Variants in MAPK1IP1L observed in about 807,000 individuals in gnomAD.
MAPK1IP1L encodes mitogen-activated protein kinase 1 interacting protein 1 like.
In MAPK1IP1L, 10 loss-of-function variants were observed where a neutral mutation model predicts 18.1. The observed-to-expected ratio is 0.55, with a 90% CI of 0.34 to 0.94. The LOEUF is 0.94. MAPK1IP1L is among the 40% of genes least tolerant of loss of function. The pLI, the probability that MAPK1IP1L is intolerant of heterozygous loss-of-function variation, is 0.02. For missense variants in MAPK1IP1L, 260 were observed against 318.2 expected (o/e 0.82, Z 1.39); for synonymous variants, 115 against 117.3 (o/e 0.98, Z 0.13).
chr14:55,056,593 TCCGCCTCCTGGGTTC>T (rs1179335419), intron 1 of MAPK1IP1L, among the ~76,000 whole-genome samples: 1 of 152,174 alleles, frequency 6.6e-6, no homozygotes, highest in Non-Finnish European at 1.5e-5. Context: ...CACTGCAAGC[TCCGCCTCCTGGGTTC>T]GCGCCATTCT....
chr14:55,059,242 A>AAAAAGACAG (rs1594624728), intron 1 of MAPK1IP1L, among the ~76,000 whole-genome samples: 2 of 151,298 alleles, frequency 1.3e-5, no homozygotes, highest in Non-Finnish European at 2.9e-5. Context: ...AAAAAAAAAA[A>AAAAAGACAG]AAAGACAGTA....
chr14:55,067,089 A>C lies in MAPK1IP1L; in HGVS notation c.*2462A>C, dbSNP rs1361984252. 1 of 131,900 alleles carries C rather than the reference A, an allele frequency of 7.6e-6. No individual in the cohort carries two copies. The highest frequency in any genetic ancestry group is 2.5e-4 in the South Asian group (1 of 4,034). 8.2% of individuals were successfully genotyped at this position (131,900 alleles called of 1,614,324 possible). On this transcript the variant is annotated 3_prime_UTR_variant, in exon 4 of 4. Coordinates refer to ENST00000395468, the MANE Select transcript of MAPK1IP1L (RefSeq NM_144578.4). ...ATTTTTTTTTTTTTTTTTTTTTAGTAGAGATGGGGTTTCACTGTGTTAGCC... is the reference window on the plus strand; with the variant it reads ...ATTTTTTTTTTTTTTTTTTTTTAGTCGAGATGGGGTTTCACTGTGTTAGCC...
Position 55,051,721 on chromosome 14 carries a change from C to G in MAPK1IP1L, c.-87C>G. The G allele has an allele frequency of 1.9e-6, 1 of 516,258 alleles. No homozygotes were observed. The highest frequency in any genetic ancestry group is 3.9e-6 in the Non-Finnish European group (1 of 259,484). 32.0% of individuals were successfully genotyped at this position (516,258 alleles called of 1,614,324 possible). A position where few individuals can be genotyped will look rare whatever the true frequency, so the allele number is the denominator to read the frequency against. ...CGCCGCTGCTCTAGCTGCCGTCAGT[C>G]AGGCTGCGCCCGCGTCTTCAGGGCC... On this transcript the variant is annotated 5_prime_UTR_variant, in exon 1 of 4. Coordinates refer to ENST00000395468, the MANE Select transcript of MAPK1IP1L (RefSeq NM_144578.4).
chr14:55,067,064 A>ATATTT lies in MAPK1IP1L; in HGVS notation c.*2438_*2439insATTTT, dbSNP rs1555376437. The ATATTT allele has an allele frequency of 2.2e-4, 28 of 128,290 alleles. No individual in the cohort carries two copies. Among genetic ancestry groups the ATATTT allele is most frequent in the African/African-American group, 7.3e-4 (25 of 34,296 alleles). 7.9% of individuals were successfully genotyped at this position (128,290 alleles called of 1,614,324 possible). Reference sequence around the variant, plus strand: ...AGGTGCCCGCCACCATGCCCGGCTAATTTTTTTTTTTTTTTTTTTTTAGTA... The same window carrying ATATTT: ...AGGTGCCCGCCACCATGCCCGGCTAATATTTTTTTTTTTTTTTTTTTTTTTTAGTA... On this transcript the variant is annotated 3_prime_UTR_variant, in exon 4 of 4. Transcript: ENST00000395468.
At chr14:55,056,662 A>G (rs994993318) in intron 1 of MAPK1IP1L, among the ~76,000 whole-genome samples, 3 of 152,068 alleles carry the variant, frequency 2.0e-5, no homozygotes, top group Non-Finnish European at 4.4e-5. Context: ...GGTGCCCACC[A>G]TTATGCCTGG....
intron 2 of MAPK1IP1L, 43 bp downstream of exon 2, chr14:55,061,744 A>G (rs1375808647): frequency 2.0e-6 from 3 of 1,484,376 alleles, no homozygotes; most frequent in Admixed American, 4.2e-5. Flanking sequence ...TCATCTCTTA[A>G]GAAAAACAAC....
chr14:55,052,171 C>T (rs548443229), intron 1 of MAPK1IP1L, among the ~76,000 whole-genome samples: 1 of 151,554 alleles, frequency 6.6e-6, no homozygotes, highest in East Asian at 2.0e-4. Flanking sequence ...CGGTTCGCTC[C>T]GGTTGATCCC....
rs552054434 is a variant in MAPK1IP1L at position 55,068,989 on chromosome 14, A to G, written c.*4362A>G. 5 of 152,204 alleles carry G rather than the reference A, an allele frequency of 3.3e-5. No homozygotes were observed. The South Asian group carries it at 1.0e-3, about 32-fold the overall frequency. 9.4% of individuals were successfully genotyped at this position (152,204 alleles called of 1,614,324 possible). On this transcript the variant is annotated 3_prime_UTR_variant, in exon 4 of 4. Transcript: ENST00000395468. ...ATTGTAACCAGCCTTTGGGCATCTT[A>G]AAGGGTGACATGTGGCATGCCTTTT... is the stretch of plus-strand genomic sequence containing the variant.
intron 3 of MAPK1IP1L, 77 bp downstream of exon 3, chr14:55,063,402 T>C (rs3742564): frequency 0.4 from 518,101 of 1,297,136 alleles, 109,275 homozygotes; most frequent in African/African-American, 0.73. Context: ...CAGTTTTGGA[T>C]GGAAGATTAA....
intron 2 of MAPK1IP1L, among the ~76,000 whole-genome samples, chr14:55,062,195 A>T (rs1002054): frequency 1.3e-5 from 2 of 152,022 alleles, no homozygotes; most frequent in African/African-American, 4.8e-5. Flanking sequence ...ACTACATGAA[A>T]TATCATATTT....
At chr14:55,054,689 A>G (rs1269534374) in intron 1 of MAPK1IP1L, among the ~76,000 whole-genome samples, 1 of 152,208 alleles carries the variant, frequency 6.6e-6, no homozygotes, top group African/African-American at 2.4e-5. Context: ...TCCGGGTTTC[A>G]TCACTGTGTA....
chr14:55,057,961 G>T (rs2140258545), intron 1 of MAPK1IP1L, among the ~76,000 whole-genome samples: 1 of 152,188 alleles, frequency 6.6e-6, no homozygotes, highest in Middle Eastern at 3.4e-3. Flanking sequence ...AATGTGAGCT[G>T]TGTATACATT....
At chr14:55,057,732 G>A (rs1359080747) in intron 1 of MAPK1IP1L, among the ~76,000 whole-genome samples, 4 of 151,404 alleles carry the variant, frequency 2.6e-5, no homozygotes, top group African/African-American at 7.3e-5. Flanking sequence ...CTCCAGTCTG[G>A]CGACAGAGCG....
chr14:55,065,364 C>T lies in MAPK1IP1L; in HGVS notation c.*737C>T, dbSNP rs768886409. 3.3e-5 allele frequency: 5 copies of T among 152,160 alleles called. No homozygotes were observed. Among genetic ancestry groups the T allele is most frequent in the African/African-American group, 4.8e-5 (2 of 41,426 alleles). The allele number at this position is 152,160 out of a possible 1,614,324, so 9.4% of individuals were successfully genotyped here. Reference sequence around the variant, plus strand: ...TTAGATAATTGATTATCTCTTTGTACTACTTGAGATTTGATTATGAGATGT... The same window carrying T: ...TTAGATAATTGATTATCTCTTTGTATTACTTGAGATTTGATTATGAGATGT... On this transcript the variant is annotated 3_prime_UTR_variant, in exon 4 of 4. Coordinates refer to ENST00000395468, the MANE Select transcript of MAPK1IP1L (RefSeq NM_144578.4).
chr14:55,057,179 T>G (rs2042778712), intron 1 of MAPK1IP1L, among the ~76,000 whole-genome samples: 1 of 152,248 alleles, frequency 6.6e-6, no homozygotes. Flanking sequence ...GCAAGACCTC[T>G]GTGCCCACTA....
In MAPK1IP1L at chr14:55,062,883, G is replaced by A. The variant is rs780623230; in HGVS notation, c.284G>A (p.Cys95Tyr). Residue 95 changes from cysteine to tyrosine, a missense_variant, in exon 3 of 4, where the codon TGT (cysteine) becomes TAT (tyrosine). Physicochemically the swap from Cys to Tyr is radical, Grantham distance 194 (BLOSUM62 -2). Coordinates refer to ENST00000395468, the MANE Select transcript of MAPK1IP1L (RefSeq NM_144578.4). ...PAPFPPSGPS[C>Y]PPPGGPYPAP... ...CCCTTTCCTCCTTCCGGACCATCAT[G>A]TCCCCCACCTGGTGGTCCTTATCCA... is the stretch of plus-strand genomic sequence containing the variant. 6.2e-7 allele frequency: 1 copy of A among 1,613,860 alleles called. No homozygotes were observed. Among genetic ancestry groups the A allele is most frequent in the Non-Finnish European group, 8.5e-7 (1 of 1,180,000 alleles).
At chr14:55,051,997 C>T (rs781223847) in intron 1 of MAPK1IP1L, among the ~76,000 whole-genome samples, 194 bp downstream of exon 1, 42 of 152,140 alleles carry the variant, frequency 2.8e-4, no homozygotes, top group Non-Finnish European at 5.4e-4. Flanking sequence ...CTCCACGCTG[C>T]GGGCTGCCTG....
rs1304530936 is a variant in MAPK1IP1L, at chr14:55,051,773, T to C, written c.-35T>C. On this transcript the variant is annotated 5_prime_UTR_variant, in exon 1 of 4. Transcript: ENST00000395468. The stretch of plus-strand genomic sequence containing the variant: ...AGTCCCTCGGACCCATCGCCGCTTC[T>C]AGACCCTACTGCGGTCTCGGATATT... The C allele has an allele frequency of 3.9e-6, 2 of 509,600 alleles. No homozygotes were observed. Among genetic ancestry groups the C allele is most frequent in the Admixed American group, 2.0e-5 (1 of 51,200 alleles). The allele number at this position is 509,600 out of a possible 1,614,324, so 31.6% of individuals were successfully genotyped here. A position where few individuals can be genotyped will look rare whatever the true frequency, so the allele number is the denominator to read the frequency against.
intron 1 of MAPK1IP1L, among the ~76,000 whole-genome samples, chr14:55,054,177 CTTTTT>C (rs371063665): frequency 2.4e-5 from 3 of 127,264 alleles, no homozygotes; most frequent in Non-Finnish European, 5.0e-5. Context: ...TTTATATTTT[CTTTTT>C]TTTTTTTTTT....
Sources: allele counts gnomAD v4.1 joint callset (sites outside exome capture counted in the v4.1 genomes callset), GRCh38; gene constraint gnomAD v4.1.1; transcripts MANE v1.5; gene names NCBI Gene and HGNC (gene_info 2026-07-23, HGNC 2026-07-21).